The following ZFHX3 variants were observed in gnomAD, a reference collection of about 807,000 sequenced individuals.
ZFHX3 encodes the protein zinc finger homeobox protein 3.
A neutral mutation model predicts 279.1 loss-of-function variants in ZFHX3; 42 were observed. The observed-to-expected ratio is 0.15, with a 90% CI of 0.12 to 0.19. ZFHX3 has a LOEUF of 0.19. Among genes scored for constraint, ZFHX3 ranks in the 10% least tolerant of loss-of-function variants. ZFHX3 has a pLI of 1.00. For missense variants in ZFHX3, 4,981 were observed against 4,754.0 expected (o/e 1.05, Z -1.40); for synonymous variants, 2,293 against 1,957.8 (o/e 1.17, Z -4.52).
intron 1 of ZFHX3, among the ~76,000 whole-genome samples, chr16:73,831,436 A>G (rs1163475725): frequency 6.6e-6 from 1 of 152,174 alleles, no homozygotes; most frequent in Non-Finnish European, 1.5e-5. Context: ...TAAGAAACAG[A>G]TGGGAATGGG....
At chr16:73,607,086 T>A (rs555062871) in intron 2 of ZFHX3, among the ~76,000 whole-genome samples, 1 of 152,330 alleles carries the variant, frequency 6.6e-6, no homozygotes, top group East Asian at 1.9e-4. Flanking sequence ...TGGAGTGCAA[T>A]GGCACACTCT....
At chr16:73,109,522 G>A (rs566781179) in intron 7 of ZFHX3, among the ~76,000 whole-genome samples, 3 of 152,194 alleles carry the variant, frequency 2.0e-5, no homozygotes, top group East Asian at 3.9e-4. Context: ...TGGCTCCTGC[G>A]CAGGATGGAT....
chr16:73,261,288 G>T (rs1448583162), intron 4 of ZFHX3, among the ~76,000 whole-genome samples: 1 of 152,086 alleles, frequency 6.6e-6, no homozygotes, highest in Non-Finnish European at 1.5e-5. Context: ...ACTAAAAGGA[G>T]AAATATATAT....
chr16:72,852,982 A>T (rs1355614594), intron 4 of ZFHX3, among the ~76,000 whole-genome samples: 6 of 152,220 alleles, frequency 3.9e-5, no homozygotes. Flanking sequence ...CCTCCAGTAG[A>T]TCCACTTTAG....
intron 3 of ZFHX3, among the ~76,000 whole-genome samples, chr16:73,396,292 C>T (rs551779849): frequency 1.3e-5 from 2 of 152,198 alleles, no homozygotes; most frequent in African/African-American, 2.4e-5. Context: ...GAATATCTTG[C>T]ACGGTGCAAG....
At chr16:72,862,213 C>T (rs917425998) in intron 4 of ZFHX3, among the ~76,000 whole-genome samples, 2 of 152,154 alleles carry the variant, frequency 1.3e-5, no homozygotes, top group African/African-American at 2.4e-5. Context: ...ACTTAGGACC[C>T]TGCTTACAAA....
At chr16:73,328,585 C>T (rs1567451837) in intron 3 of ZFHX3, among the ~76,000 whole-genome samples, 1 of 152,174 alleles carries the variant, frequency 6.6e-6, no homozygotes, top group Admixed American at 6.5e-5. Flanking sequence ...TAGAAGTTAA[C>T]GAAGCTGCAA....
At chr16:72,962,645 G>A (rs923878624) in intron 1 of ZFHX3, among the ~76,000 whole-genome samples, 3 of 152,090 alleles carry the variant, frequency 2.0e-5, no homozygotes, top group East Asian at 1.9e-4. Context: ...TATCCTCTCC[G>A]GGGAGCTTAA....
At position 72,921,069 on chromosome 16, in the gene ZFHX3, C is replaced by CAAAAA. The variant is rs57294537; in HGVS notation, c.3216+29395_3216+29399dup. On this transcript the variant is annotated intron_variant, in intron 3 of 9. Transcript: ENST00000268489. The stretch of plus-strand genomic sequence containing the variant: ...CCTGAATGGCAGAGCCAGACCTTGT[C>CAAAAA]AAAAAAAAAAAAAAAAAAAAAAAAA... Among the ~76,000 whole-genome samples the CAAAAA allele has an allele frequency of 2.1e-3, 49 of 23,584 alleles. 4 individuals carry two copies. Among genetic ancestry groups the CAAAAA allele is most frequent in the African/African-American group, 6.4e-3 (45 of 7,044 alleles). 15.5% of individuals were successfully genotyped at this position (23,584 alleles called of 152,430 possible). A position where few individuals can be genotyped will look rare whatever the true frequency, so the allele number is the denominator to read the frequency against.
Position 73,304,793 on chromosome 16 carries a change from C to T in ZFHX3, c.-1194+13447G>A, listed in dbSNP as rs577777272. ...GCCCACCGCCTGACCTCTCTAAGAG[C>T]AGCCTCCATAAATCTGCCTCACCTG... On this transcript the variant is annotated intron_variant, in intron 4 of 17. Transcript: ENST00000641206. Among the ~76,000 whole-genome samples, 5 of 152,338 alleles carry T rather than the reference C, an allele frequency of 3.3e-5. No homozygotes were observed. In the Middle Eastern group the frequency reaches 0.01, roughly 311 times the overall value.
intron 8 of ZFHX3, among the ~76,000 whole-genome samples, chr16:73,066,716 G>A (rs1019707547): frequency 6.6e-6 from 1 of 152,202 alleles, no homozygotes; most frequent in Non-Finnish European, 1.5e-5. Flanking sequence ...GCGCGGCGAG[G>A]GGCGCACCTC....
chr16:72,820,985 C>G (rs2036777454), intron 5 of ZFHX3, among the ~76,000 whole-genome samples: 1 of 152,104 alleles, frequency 6.6e-6, no homozygotes, highest in African/African-American at 2.4e-5. Context: ...ACAGTCTAGA[C>G]TCTGAGACAC....
chr16:73,095,053 A>C (rs1015611097), intron 7 of ZFHX3, among the ~76,000 whole-genome samples: 2 of 151,972 alleles, frequency 1.3e-5, no homozygotes, highest in African/African-American at 4.8e-5. Context: ...AGAGTTAAAA[A>C]TCCTGAAAAC....
intron 4 of ZFHX3, among the ~76,000 whole-genome samples, chr16:72,840,337 C>T (rs1322421182): frequency 6.6e-6 from 1 of 152,014 alleles, no homozygotes; most frequent in Non-Finnish European, 1.5e-5. Flanking sequence ...TGGGATGGCT[C>T]TCGTAACAGG....
intron 1 of ZFHX3, among the ~76,000 whole-genome samples, chr16:73,695,232 G>GT (rs1409367239): frequency 7.8e-4 from 61 of 77,944 alleles, no homozygotes; most frequent in East Asian, 4.1e-3. Context: ...TTCAAATACA[G>GT]TTTTTTTTTG....
At chr16:73,725,566 T>TGC (rs2053512128) in intron 1 of ZFHX3, among the ~76,000 whole-genome samples, 1 of 151,988 alleles carries the variant, frequency 6.6e-6, no homozygotes, top group African/African-American at 2.4e-5. Context: ...TGTGTGTGTG[T>TGC]GTAGGCTGAG....
At chr16:72,831,516 T>G (rs2037059141) in intron 4 of ZFHX3, among the ~76,000 whole-genome samples, 1 of 152,284 alleles carries the variant, frequency 6.6e-6, no homozygotes, top group East Asian at 1.9e-4. Flanking sequence ...AACCACAGCT[T>G]GAAGTCAATC....
At chr16:73,579,881 C>T (rs1018158510) in intron 2 of ZFHX3, among the ~76,000 whole-genome samples, 24 of 114,710 alleles carry the variant, frequency 2.1e-4, no homozygotes, top group African/African-American at 3.9e-4. Flanking sequence ...TATACATACA[C>T]ACACATATAA....
intron 4 of ZFHX3, among the ~76,000 whole-genome samples, chr16:72,881,672 G>C (rs2038474940): frequency 6.6e-6 from 1 of 152,180 alleles, no homozygotes; most frequent in African/African-American, 2.4e-5. Context: ...GTGAACTCCA[G>C]AGGCTAGGAT....
Sources: gnomAD v4.1 joint callset for allele counts (sites outside exome capture counted in the v4.1 genomes callset) on GRCh38, gnomAD v4.1.1 for gene constraint, MANE v1.5 for transcripts, NCBI Gene and HGNC (gene_info 2026-07-23, HGNC 2026-07-21) for gene names.